ZNF573: variants seen among roughly 807,000 people sequenced by gnomAD.
The protein encoded by ZNF573 is zinc finger protein 573.
A neutral mutation model predicts 57.4 loss-of-function variants in ZNF573; 41 were observed. That is an observed-to-expected ratio of 0.71 (90% CI 0.56 to 0.93). The LOEUF is 0.93. Ranked by LOEUF, ZNF573 falls within the 40% of genes least tolerant of loss-of-function variation. ZNF573 has a pLI of 0.00. For synonymous variants in ZNF573, 249 were observed against 261.0 expected (o/e 0.95, Z 0.44); for missense variants, 730 against 794.8 (o/e 0.92, Z 0.98).
intron 2 of ZNF573, among the ~76,000 whole-genome samples, chr19:37,773,275 T>G (rs2145334568): frequency 6.6e-6 from 1 of 152,324 alleles, no homozygotes; most frequent in East Asian, 1.9e-4. Flanking sequence ...CTTATTTGCC[T>G]AGAAAACTCA....
At chr19:37,740,334 A>G in intron 4 of ZNF573, 140 bp from the exon 5 acceptor site, 1 of 740,724 alleles carries the variant, frequency 1.4e-6, no homozygotes, top group Non-Finnish European at 2.1e-6. Flanking sequence ...AATTTGAAAA[A>G]GGCCAAAAAG....
chr19:37,773,789 A>C, intron 1 of ZNF573, 38 bp from the exon 2 acceptor site: 2 of 1,242,454 alleles, frequency 1.6e-6, no homozygotes, highest in Non-Finnish European at 1.1e-6. Flanking sequence ...TCCCAATATG[A>C]CTTAATTTAA....
intron 4 of ZNF573, chr19:37,758,328 C>T (rs2045516794): frequency 7.0e-6 from 1 of 143,226 alleles, no homozygotes; most frequent in African/African-American, 2.6e-5. Context: ...AGGCTGGACG[C>T]GGTGGCTCAC....
Position 37,773,749 on chromosome 19 carries a change from G to T in ZNF573, c.-20C>A. ...AAACATTCAAACTCCAGAGAATCCA[G>T]AGCTGAGAGAAGAAAAGAGATGTTA... On this transcript the variant is annotated splice_region_variant and 5_prime_UTR_variant, in exon 2 of 5. In the 5' UTR this introduces an upstream ATG that the reference lacks. Transcript: ENST00000536220. The T allele has an allele frequency of 6.6e-7, 1 of 1,524,042 alleles. No individual in the cohort carries two copies. Among genetic ancestry groups the T allele is most frequent in the South Asian group, 1.2e-5 (1 of 83,650 alleles). 94.4% of individuals were successfully genotyped at this position (1,524,042 alleles called of 1,614,324 possible).
intron 4 of ZNF573, among the ~76,000 whole-genome samples, chr19:37,741,873 G>A (rs1319467962): frequency 6.6e-6 from 1 of 152,156 alleles, no homozygotes; most frequent in Non-Finnish European, 1.5e-5. Context: ...CAGGAAGAGA[G>A]GAAGTCAAGT....
intron 4 of ZNF573, among the ~76,000 whole-genome samples, chr19:37,757,802 A>T (rs1287020260): frequency 2.0e-5 from 3 of 152,154 alleles, no homozygotes; most frequent in Non-Finnish European, 4.4e-5. Context: ...CAAATGTCCA[A>T]CAATGATAGA....
chr19:37,775,881 A>G (rs2045703716), intron 1 of ZNF573, among the ~76,000 whole-genome samples: 2 of 151,582 alleles, frequency 1.3e-5, no homozygotes, highest in African/African-American at 4.8e-5. Context: ...ACAAAAACAA[A>G]ACAAAACAAA....
chr19:37,760,809 A>T (rs1259380563), intron 4 of ZNF573, among the ~76,000 whole-genome samples: 1 of 151,614 alleles, frequency 6.6e-6, no homozygotes, highest in African/African-American at 2.4e-5. Context: ...GCAACAGAGT[A>T]AGAGTCTGTC....
chr19:37,769,698 C>A (rs1476919885), intron 4 of ZNF573, among the ~76,000 whole-genome samples: 4 of 145,744 alleles, frequency 2.7e-5, no homozygotes, highest in Non-Finnish European at 6.0e-5. Context: ...TGCACTCTGG[C>A]CCGGGCGACA....
At chr19:37,762,509 T>G (rs1369012024) in intron 4 of ZNF573, among the ~76,000 whole-genome samples, 1 of 152,062 alleles carries the variant, frequency 6.6e-6, no homozygotes, top group Non-Finnish European at 1.5e-5. Context: ...TGCATGAGGA[T>G]GTACTCTTAG....
chr19:37,754,760 A>G (rs2045471549), intron 4 of ZNF573, among the ~76,000 whole-genome samples: 1 of 152,036 alleles, frequency 6.6e-6, no homozygotes, highest in African/African-American at 2.4e-5. Flanking sequence ...AAAATTTTGA[A>G]TTAAGGGAAC....
chr19:37,757,945 A>G (rs2045505747), intron 4 of ZNF573, among the ~76,000 whole-genome samples: 1 of 151,814 alleles, frequency 6.6e-6, no homozygotes, highest in Non-Finnish European at 1.5e-5. Flanking sequence ...CGCAAGGACA[A>G]AAAAACCAAA....
chr19:37,765,349 G>A (rs1049198088), intron 4 of ZNF573, among the ~76,000 whole-genome samples: 2 of 152,168 alleles, frequency 1.3e-5, no homozygotes, highest in African/African-American at 4.8e-5. Context: ...TAAAGGCTTG[G>A]TACAGGAAAC....
Position 37,743,232 on chromosome 19 carries a change from A to G in ZNF573, c.296-3038T>C, listed in dbSNP as rs144961644. On this transcript the variant is annotated intron_variant, in intron 4 of 4. Coordinates refer to ENST00000536220, the MANE Select transcript of ZNF573 (RefSeq NM_001172690.2). Reference sequence around the variant, plus strand: ...CTACTCGGGAGGCTGAGGCAGGAGAATCACTTGAACGCGGGAGGTAGAGGT... The same window carrying G: ...CTACTCGGGAGGCTGAGGCAGGAGAGTCACTTGAACGCGGGAGGTAGAGGT... Among the ~76,000 whole-genome samples the G allele has an allele frequency of 8.9e-4, 134 of 150,904 alleles. 3 individuals carry two copies. Among genetic ancestry groups the G allele is most frequent in the African/African-American group, 3.1e-3 (128 of 41,182 alleles).
chr19:37,767,998 A>C (rs1263828809), intron 4 of ZNF573, among the ~76,000 whole-genome samples: 2 of 152,168 alleles, frequency 1.3e-5, no homozygotes, highest in Non-Finnish European at 2.9e-5. Context: ...AATCAACTAG[A>C]AACTCTCTCC....
chr19:37,753,109 A>G (rs2045454282), intron 4 of ZNF573, among the ~76,000 whole-genome samples: 2 of 152,126 alleles, frequency 1.3e-5, no homozygotes, highest in African/African-American at 4.8e-5. Context: ...TTTTTAAAAA[A>G]TCAGCCGGGG....
At chr19:37,767,332 T>C (rs1599704428) in intron 4 of ZNF573, among the ~76,000 whole-genome samples, 1 of 151,942 alleles carries the variant, frequency 6.6e-6, no homozygotes, top group African/African-American at 2.4e-5. Context: ...GGGTTCACGC[T>C]CTTCTCCTGC....
At chr19:37,762,122 A>C (rs2045558828) in intron 4 of ZNF573, among the ~76,000 whole-genome samples, 1 of 152,200 alleles carries the variant, frequency 6.6e-6, no homozygotes, top group Non-Finnish European at 1.5e-5. Flanking sequence ...ACCTGGGGGC[A>C]ATTTTTCAAA....
At chr19:37,766,019 G>A (rs534387441) in intron 4 of ZNF573, among the ~76,000 whole-genome samples, 40 of 148,676 alleles carry the variant, frequency 2.7e-4, no homozygotes, top group East Asian at 4.0e-4. Context: ...CAGCCTGGGC[G>A]ACAAGAGCAA....
Sources: gnomAD v4.1 joint callset for allele counts (sites outside exome capture counted in the v4.1 genomes callset) on GRCh38, gnomAD v4.1.1 for gene constraint, MANE v1.5 for transcripts, NCBI Gene and HGNC (gene_info 2026-07-23, HGNC 2026-07-21) for gene names.